The following MITF variants were observed in gnomAD, a reference collection of about 807,000 sequenced individuals.
The protein encoded by MITF is melanocyte inducing transcription factor, also known as microphthalmia-associated transcription factor.
A neutral mutation model predicts 60.5 loss-of-function variants in MITF; 17 were observed. The ratio of observed to expected loss-of-function variants is 0.28; its 90% CI spans 0.19 to 0.42. The LOEUF (loss-of-function observed/expected upper bound fraction) is 0.42, where lower values mean the gene tolerates loss of function less well. Ranked by LOEUF, MITF falls within the 10% of genes least tolerant of loss-of-function variation. The probability of loss-of-function intolerance (pLI) is 1.00; values close to 1 mark genes in which losing one functional copy is unlikely to be tolerated. For missense variants in MITF, 622 were observed against 683.5 expected (o/e 0.91, Z 1.00); for synonymous variants, 260 against 248.5 (o/e 1.05, Z -0.43).
At chr3:69,930,573 A>G (rs972735771) in intron 2 of MITF, among the ~76,000 whole-genome samples, 4 of 152,198 alleles carry the variant, frequency 2.6e-5, no homozygotes, top group African/African-American at 9.7e-5. Context: ...ACACTGTGTA[A>G]GATTTGCACA....
chr3:69,833,488 G>T (rs569813021), intron 1 of MITF, among the ~76,000 whole-genome samples: 1 of 152,066 alleles, frequency 6.6e-6, no homozygotes, highest in Admixed American at 6.5e-5. Context: ...ACTGTATGTG[G>T]TTCCTTCCCC....
intron 1 of MITF, among the ~76,000 whole-genome samples, chr3:69,788,052 A>G (rs560836914): frequency 1.3e-5 from 2 of 152,190 alleles, no homozygotes; most frequent in South Asian, 2.1e-4. Flanking sequence ...GGCTGCATAG[A>G]CAGGCAGTGG....
chr3:69,781,327 A>G (rs1468595607), intron 1 of MITF, among the ~76,000 whole-genome samples: 2 of 152,200 alleles, frequency 1.3e-5, no homozygotes, highest in African/African-American at 4.8e-5. Context: ...AGTCTGTTAC[A>G]TAAGACTTCC....
rs187851931 is a variant in MITF at position 69,759,115 on chromosome 3, G to A, written c.104+19414G>A. ...CAAATACTGAATGATTACTACTAGGGAAATACAGGATAAGTTCCTTAGAGC... is the reference window on the plus strand; with the variant it reads ...CAAATACTGAATGATTACTACTAGGAAAATACAGGATAAGTTCCTTAGAGC... On this transcript the variant is annotated intron_variant, in intron 1 of 9. Transcript: ENST00000352241. Among the ~76,000 whole-genome samples, 1,249 of 152,324 alleles carry A rather than the reference G, an allele frequency of 8.2e-3. 8 individuals carry two copies. Among genetic ancestry groups the A allele is most frequent in the Non-Finnish European group, 0.011 (774 of 68,042 alleles).
chr3:69,920,325 G>T (rs1377516204), intron 2 of MITF, among the ~76,000 whole-genome samples: 1 of 152,000 alleles, frequency 6.6e-6, no homozygotes, highest in Non-Finnish European at 1.5e-5. Context: ...CTTTTCCCCG[G>T]GGGAGTTTAG....
At position 69,892,260 on chromosome 3, in the gene MITF, TACTTA is replaced by T. The variant is rs1575898074; in HGVS notation, c.354+12879_354+12883del. 3.9e-5 allele frequency among the ~76,000 whole-genome samples: 6 copies of T among 152,374 alleles called. No individual in the cohort carries two copies. In the East Asian group the frequency reaches 1.2e-3, roughly 29 times the overall value. On this transcript the variant is annotated intron_variant, in intron 2 of 9. Transcript: ENST00000352241. ...TTGACTTTTAAAAATGATTGAAAGC[TACTTA>T]AAAATATTATTTTTTGTTTTTTAGA...
At chr3:69,834,318 C>T (rs2063504381) in intron 1 of MITF, among the ~76,000 whole-genome samples, 1 of 152,186 alleles carries the variant, frequency 6.6e-6, no homozygotes, top group Admixed American at 6.5e-5. Context: ...ATCCTTTCTT[C>T]ACCCATCCCC....
chr3:69,753,043 G>A (rs528468845), intron 1 of MITF, among the ~76,000 whole-genome samples: 1 of 152,332 alleles, frequency 6.6e-6, no homozygotes, highest in South Asian at 2.1e-4. Flanking sequence ...AGAGAACTTT[G>A]CAGCAGACCC....
At chr3:69,897,071 G>A (rs2064891800) in intron 2 of MITF, among the ~76,000 whole-genome samples, 1 of 152,172 alleles carries the variant, frequency 6.6e-6, no homozygotes, top group African/African-American at 2.4e-5. Flanking sequence ...AGGACTAGGA[G>A]GGTATTGGGA....
At chr3:69,791,489 G>A (rs995947309) in intron 1 of MITF, among the ~76,000 whole-genome samples, 2 of 152,122 alleles carry the variant, frequency 1.3e-5, no homozygotes, top group African/African-American at 4.8e-5. Context: ...ACCATGTTTT[G>A]CAATTCTTTA....
chr3:69,827,019 A>G (rs1294141239), intron 1 of MITF, among the ~76,000 whole-genome samples: 2 of 152,192 alleles, frequency 1.3e-5, no homozygotes, highest in Non-Finnish European at 2.9e-5. Context: ...GACATTATTC[A>G]TTCCTGAGTT....
At chr3:69,878,777 A>G (rs570201302) in intron 1 of MITF, among the ~76,000 whole-genome samples, 1 of 152,260 alleles carries the variant, frequency 6.6e-6, no homozygotes, top group South Asian at 2.1e-4. Flanking sequence ...TTATTTTTAA[A>G]TGTGGAAATT....
At chr3:69,823,617 G>T (rs2063310843) in intron 1 of MITF, among the ~76,000 whole-genome samples, 1 of 152,126 alleles carries the variant, frequency 6.6e-6, no homozygotes, top group South Asian at 2.1e-4. Context: ...AGTCTTTTAT[G>T]CTTTTTCCCC....
At chr3:69,811,736 A>T (rs1029407367) in intron 1 of MITF, among the ~76,000 whole-genome samples, 1 of 152,226 alleles carries the variant, frequency 6.6e-6, no homozygotes, top group East Asian at 1.9e-4. Flanking sequence ...TCTGGGAAGC[A>T]TAGAATGACA....
intron 1 of MITF, among the ~76,000 whole-genome samples, chr3:69,767,541 C>T (rs534634591): frequency 1.4e-4 from 22 of 152,032 alleles, no homozygotes; most frequent in African/African-American, 4.3e-4. Context: ...GCCGAGATTG[C>T]GCCACTGCAC....
intron 1 of MITF, among the ~76,000 whole-genome samples, chr3:69,761,422 G>A (rs1289507546): frequency 2.0e-5 from 3 of 152,146 alleles, no homozygotes; most frequent in South Asian, 2.1e-4. Flanking sequence ...AGGTTGAACC[G>A]CGATTCAAAC....
At chr3:69,917,767 G>T (rs2065368824) in intron 2 of MITF, among the ~76,000 whole-genome samples, 1 of 151,902 alleles carries the variant, frequency 6.6e-6, no homozygotes, top group Non-Finnish European at 1.5e-5. Context: ...ATCTTGGTGG[G>T]CAGGTTGGTT....
intron 1 of MITF, among the ~76,000 whole-genome samples, chr3:69,768,863 G>GT (rs1317729504): frequency 6.6e-6 from 1 of 152,212 alleles, no homozygotes; most frequent in Non-Finnish European, 1.5e-5. Context: ...CAAGCACTGT[G>GT]TTTTAAAGAT....
chr3:69,777,208 C>T (rs1575696643), intron 1 of MITF, among the ~76,000 whole-genome samples: 1 of 152,116 alleles, frequency 6.6e-6, no homozygotes, highest in Admixed American at 6.5e-5. Flanking sequence ...ATCATATAAA[C>T]TGTGTTTAAG....
Sources: allele counts gnomAD v4.1 joint callset (sites outside exome capture counted in the v4.1 genomes callset), GRCh38; gene constraint gnomAD v4.1.1; transcripts MANE v1.5; gene names NCBI Gene and HGNC (gene_info 2026-07-23, HGNC 2026-07-21).